NAA20: variants seen among roughly 807,000 people sequenced by gnomAD.
NAA20 encodes N-alpha-acetyltransferase 20, NatB catalytic subunit.
Under a neutral mutation model 23.8 loss-of-function variants are expected in NAA20, and 24 were observed. That is an observed-to-expected ratio of 1.01 (90% CI 0.73 to 1.42). The LOEUF is 1.42. Ranked by LOEUF, NAA20 falls within the 40% of genes most tolerant of loss-of-function variation. The probability of loss-of-function intolerance (pLI) is 0.00; values close to 1 mark genes in which losing one functional copy is unlikely to be tolerated. For synonymous variants in NAA20, 83 were observed against 77.7 expected, an observed-to-expected ratio of 1.07 and a Z score of -0.36; for missense variants, 166 against 223.1, an observed-to-expected ratio of 0.74 and a Z score of 1.63.
Position 20,017,366 on chromosome 20 carries a change from G to A in NAA20, c.-31G>A. ...CCGGCAGGGCGGGCGCGGGGTCTTG[G>A]CGAACGGTCTTCGGAAGCGGCGGCG... On this transcript the variant is annotated 5_prime_UTR_variant, in exon 1 of 6. Coordinates refer to ENST00000334982, the MANE Select transcript of NAA20 (RefSeq NM_016100.5). 1 of 1,610,402 alleles carries A rather than the reference G, an allele frequency of 6.2e-7. No individual in the cohort carries two copies. The highest frequency in any genetic ancestry group is 1.3e-5 in the African/African-American group (1 of 74,814).
intron 4 of NAA20, among the ~76,000 whole-genome samples, chr20:20,030,899 T>G (rs1472000439): frequency 6.6e-6 from 1 of 152,106 alleles, no homozygotes; most frequent in African/African-American, 2.4e-5. Context: ...TGCCATAGCA[T>G]GAAAAAACAT....
intron 1 of NAA20, among the ~76,000 whole-genome samples, chr20:20,021,429 C>T (rs1456849764): frequency 6.6e-6 from 1 of 152,108 alleles, no homozygotes; most frequent in Non-Finnish European, 1.5e-5. Context: ...TTAAGCAGGA[C>T]GTTGCAGAAT....
At chr20:20,022,378 C>A in intron 1 of NAA20, 78 bp from the exon 2 acceptor site, 1 of 1,395,708 alleles carries the variant, frequency 7.2e-7, no homozygotes, top group Non-Finnish European at 9.8e-7. Flanking sequence ...TGGCATATTA[C>A]TGTTAGCTTT....
chr20:20,017,650 C>A, intron 1 of NAA20: 1 of 1,352,644 alleles, frequency 7.4e-7, no homozygotes, highest in Non-Finnish European at 9.7e-7. Flanking sequence ...TCGACGCACG[C>A]CGGCCTTGGC....
chr20:20,030,607 T>C (rs1244408206), intron 4 of NAA20, among the ~76,000 whole-genome samples: 3 of 152,054 alleles, frequency 2.0e-5, no homozygotes, highest in Non-Finnish European at 4.4e-5. Flanking sequence ...TGCACAGATA[T>C]GATTATATAA....
intron 1 of NAA20, chr20:20,018,745 C>T (rs1186288237): frequency 4.5e-6 from 1 of 220,652 alleles, no homozygotes; most frequent in Admixed American, 6.5e-5. Context: ...ACTCACTGTT[C>T]CCTGCATTGT....
chr20:20,025,805 A>C (rs2043302940), intron 3 of NAA20, 38 bp downstream of exon 3: 1 of 1,328,522 alleles, frequency 7.5e-7, no homozygotes, highest in Admixed American at 1.7e-5. Flanking sequence ...GGAGTAGGTA[A>C]AGATTTTAAT....
intron 4 of NAA20, among the ~76,000 whole-genome samples, chr20:20,031,112 A>G (rs1413312997): frequency 6.6e-6 from 1 of 152,168 alleles, no homozygotes; most frequent in Non-Finnish European, 1.5e-5. Context: ...TGTTAAGCTG[A>G]CTCTGAAACA....
At chr20:20,022,689 T>C (rs2043278409) in intron 2 of NAA20, 1 of 480,654 alleles carries the variant, frequency 2.1e-6, no homozygotes, top group Non-Finnish European at 3.6e-6. Flanking sequence ...TATCATGACT[T>C]GGTAGAAATC....
chr20:20,026,878 G>A lies in NAA20; in HGVS notation c.264G>A (p.Leu88=), dbSNP rs562776860. The stretch of plus-strand genomic sequence containing the variant: ...CCCCAGAATTTCGACGCCTTGGTTT[G>A]GCTGCTAAACTTATGGAGTTACTAG... ...SVAPEFRRLG[L]AAKLMELLEE... is the part of the protein sequence containing the mutation. The change falls in exon 4 of 6, where the codon TTG becomes TTA. Residue 88 remains leucine, a synonymous_variant. Coordinates refer to ENST00000334982, the MANE Select transcript of NAA20 (RefSeq NM_016100.5). 1.9e-6 allele frequency: 3 copies of A among 1,614,128 alleles called. No homozygotes were observed. The Admixed American group carries it at 5.0e-5, about 27-fold the overall frequency.
intron 4 of NAA20, among the ~76,000 whole-genome samples, chr20:20,031,420 C>T (rs1208547513): frequency 2.0e-5 from 3 of 152,084 alleles, no homozygotes; most frequent in African/African-American, 4.8e-5. Context: ...TTATTCCATA[C>T]ACAAATCAAC....
Position 20,032,630 on chromosome 20 carries a change from G to A in NAA20, c.428G>A (p.Gly143Glu), listed in dbSNP as rs2043353810. 1 of 1,605,058 alleles carries A rather than the reference G, an allele frequency of 6.2e-7. No individual in the cohort carries two copies. The highest frequency in any genetic ancestry group is 1.7e-5 in the Admixed American group (1 of 58,762). Residue 143 changes from glycine to glutamate, a missense_variant, in exon 5 of 6, where the codon GGG (glycine) becomes GAG (glutamate). Transcript: ENST00000334982. ...TVIEYYSASNGEPDEDAYDMR... is the reference protein window; with the variant it reads ...TVIEYYSASNEEPDEDAYDMR... ...ATAGAGTACTATTCGGCCAGCAACG[G>A]GGAGCCTGATGAGGACGCTTATGGT...
intron 1 of NAA20, chr20:20,017,769 A>T (rs2043241449): frequency 7.0e-7 from 1 of 1,437,924 alleles, no homozygotes; most frequent in Non-Finnish European, 9.1e-7. Context: ...CGCTGGGGTG[A>T]TGGGGCGAGC....
At chr20:20,020,979 A>G (rs1255813492) in intron 1 of NAA20, among the ~76,000 whole-genome samples, 2 of 132,404 alleles carry the variant, frequency 1.5e-5, no homozygotes, top group Admixed American at 8.8e-5. Flanking sequence ...CTCCGTGCCT[A>G]TTGACAGGAG....
intron 1 of NAA20, chr20:20,018,088 C>T: frequency 6.2e-7 from 1 of 1,613,804 alleles, no homozygotes; most frequent in East Asian, 2.2e-5. Context: ...CCCCGGTGTA[C>T]ACACCTTTCC....
chr20:20,018,974 A>G, intron 1 of NAA20: 2 of 980,516 alleles, frequency 2.0e-6, no homozygotes, highest in Non-Finnish European at 2.4e-6. Flanking sequence ...AGAAACGCAC[A>G]TTCCGTTTGC....
chr20:20,026,712 T>G, intron 3 of NAA20, 72 bp from the exon 4 acceptor site: 1 of 1,573,680 alleles, frequency 6.4e-7, no homozygotes, highest in South Asian at 1.1e-5. Context: ...AAAAACATAC[T>G]GAACAGTAAT....
intron 2 of NAA20, among the ~76,000 whole-genome samples, chr20:20,023,312 C>CA (rs377441191): frequency 0.41 from 47,759 of 115,464 alleles, 9,292 homozygotes; most frequent in Middle Eastern, 0.56. Context: ...GACTCCGTCT[C>CA]AAAAAAAAAA....
chr20:20,032,916 T>C (rs2043357619), intron 5 of NAA20, among the ~76,000 whole-genome samples, 186 bp from the exon 6 acceptor site: 1 of 152,226 alleles, frequency 6.6e-6, no homozygotes, highest in Non-Finnish European at 1.5e-5. Flanking sequence ...GTGAGCTGAA[T>C]ACTGGGTGAG....
Sources: allele counts gnomAD v4.1 joint callset (sites outside exome capture counted in the v4.1 genomes callset), GRCh38; gene constraint gnomAD v4.1.1; transcripts MANE v1.5; gene names NCBI Gene and HGNC (gene_info 2026-07-23, HGNC 2026-07-21).